HPSE2: variants seen among roughly 807,000 people sequenced by gnomAD.
HPSE2 encodes the protein heparanase 2 (inactive), also known as inactive heparanase-2.
HPSE2 carries 38 observed loss-of-function variants against 60.5 expected under a neutral mutation model. That is an observed-to-expected ratio of 0.63 (90% CI 0.48 to 0.82). The LOEUF is 0.82. HPSE2 is among the 40% of genes least tolerant of loss of function. HPSE2 has a pLI of 0.00. For missense variants in HPSE2, 713 were observed against 740.4 expected, an observed-to-expected ratio of 0.96 and a Z score of 0.43; for synonymous variants, 295 against 293.2, an observed-to-expected ratio of 1.01 and a Z score of -0.06.
At chr10:98,920,846 A>G (rs1289609314) in intron 3 of HPSE2, among the ~76,000 whole-genome samples, 1 of 152,236 alleles carries the variant, frequency 6.6e-6, no homozygotes, top group Non-Finnish European at 1.5e-5. Context: ...CAATTCAGGC[A>G]GACAACATAG....
At chr10:98,859,377 C>G (rs1032013414) in intron 3 of HPSE2, among the ~76,000 whole-genome samples, 6 of 152,122 alleles carry the variant, frequency 3.9e-5, no homozygotes, top group African/African-American at 1.4e-4. Context: ...GCTGATAAAA[C>G]ATTATTTCTT....
intron 9 of HPSE2, among the ~76,000 whole-genome samples, chr10:98,586,092 C>CA (rs1386426980): frequency 2.0e-5 from 3 of 151,462 alleles, no homozygotes; most frequent in Admixed American, 1.3e-4. Flanking sequence ...CAGTAGACAA[C>CA]AAAAAAGACA....
chr10:98,489,705 C>T (rs1460372542), intron 10 of HPSE2, among the ~76,000 whole-genome samples: 1 of 152,150 alleles, frequency 6.6e-6, no homozygotes, highest in Non-Finnish European at 1.5e-5. Flanking sequence ...TACCTCTTGA[C>T]TTGGCTAAAG....
At chr10:98,719,093 G>A (rs28494904) in intron 5 of HPSE2, among the ~76,000 whole-genome samples, 1 of 152,030 alleles carries the variant, frequency 6.6e-6, no homozygotes, top group Non-Finnish European at 1.5e-5. Context: ...ATCAACATAA[G>A]CCATTCAAAT....
At chr10:99,187,749 A>C (rs1364428152) in intron 2 of HPSE2, among the ~76,000 whole-genome samples, 1 of 152,270 alleles carries the variant, frequency 6.6e-6, no homozygotes, top group East Asian at 1.9e-4. Context: ...AGCTTTGATA[A>C]GGATGTGGAA....
chr10:98,654,911 C>T (rs1341587458), intron 6 of HPSE2, among the ~76,000 whole-genome samples: 1 of 152,094 alleles, frequency 6.6e-6, no homozygotes, highest in East Asian at 1.9e-4. Flanking sequence ...CCCCTAGTAT[C>T]CTTGTTTATG....
chr10:98,701,638 A>C (rs1387356812), intron 5 of HPSE2, among the ~76,000 whole-genome samples: 3 of 95,672 alleles, frequency 3.1e-5, no homozygotes, highest in Admixed American at 2.7e-4. Flanking sequence ...CTTAAAGTAT[A>C]ATAATAATAA....
At chr10:98,553,613 C>A (rs1489726068) in intron 9 of HPSE2, among the ~76,000 whole-genome samples, 2 of 152,194 alleles carry the variant, frequency 1.3e-5, no homozygotes, top group Non-Finnish European at 2.9e-5. Flanking sequence ...TACCATCCTT[C>A]TCTCCACCAT....
At chr10:98,508,830 G>A (rs1354881584) in intron 9 of HPSE2, among the ~76,000 whole-genome samples, 1 of 152,182 alleles carries the variant, frequency 6.6e-6, no homozygotes, top group Non-Finnish European at 1.5e-5. Flanking sequence ...CTGGAGCTCA[G>A]CAAGTTAAGG....
chr10:99,204,208 C>T (rs985391652), intron 2 of HPSE2, among the ~76,000 whole-genome samples: 2 of 152,104 alleles, frequency 1.3e-5, no homozygotes, highest in African/African-American at 4.8e-5. Flanking sequence ...AGGCTCGAGG[C>T]CCAATCCCAC....
chr10:99,071,771 T>C (rs1842798225), intron 3 of HPSE2, among the ~76,000 whole-genome samples: 1 of 152,220 alleles, frequency 6.6e-6, no homozygotes, highest in Admixed American at 6.5e-5. Flanking sequence ...TCCAATTTCA[T>C]TGTTTTGCAT....
At chr10:98,997,352 G>T (rs182015487) in intron 3 of HPSE2, among the ~76,000 whole-genome samples, 1 of 151,608 alleles carries the variant, frequency 6.6e-6, no homozygotes, top group African/African-American at 2.4e-5. Flanking sequence ...TCCTGACCTC[G>T]TGATCCACCC....
intron 3 of HPSE2, among the ~76,000 whole-genome samples, chr10:98,797,251 G>A (rs924927450): frequency 3.9e-5 from 6 of 152,060 alleles, no homozygotes; most frequent in African/African-American, 1.4e-4. Context: ...GTAACACAGA[G>A]AAAGAATTCA....
At position 98,459,711 on chromosome 10, in the gene HPSE2, C is replaced by T. The variant is rs2136414044; in HGVS notation, c.1642G>A (p.Val548Met). 1.9e-6 allele frequency: 3 copies of T among 1,613,962 alleles called. No individual in the cohort carries two copies. The highest frequency in any genetic ancestry group is 2.5e-6 in the Non-Finnish European group (3 of 1,179,984). Reference sequence around the variant, plus strand: ...GGGAGGGTCCCGTCGTCCACCATCACTAAGGGCTGGCCATTCAGTTGCACT... The same window carrying T: ...GGGAGGGTCCCGTCGTCCACCATCATTAAGGGCTGGCCATTCAGTTGCACT... ...KSVQLNGQPL[V>M]MVDDGTLPEL... is the part of the protein sequence containing the mutation. The change falls in exon 12 of 12, where the codon GTG (valine) becomes ATG (methionine). Residue 548 changes from valine (V) to methionine (M), a missense_variant. Coordinates refer to ENST00000370552, the MANE Select transcript of HPSE2 (RefSeq NM_021828.5).
chr10:98,696,184 G>C (rs896830033), intron 5 of HPSE2, among the ~76,000 whole-genome samples: 1 of 150,298 alleles, frequency 6.7e-6, no homozygotes, highest in Non-Finnish European at 1.5e-5. Context: ...ATGTTTACAT[G>C]GAATTTACTT....
intron 3 of HPSE2, among the ~76,000 whole-genome samples, chr10:98,949,857 TAAAGG>T (rs1477722240): frequency 6.6e-6 from 1 of 151,946 alleles, no homozygotes; most frequent in Non-Finnish European, 1.5e-5. Flanking sequence ...AAAAAGCAGC[TAAAGG>T]AAAGATATAT....
At chr10:99,060,518 C>T (rs1052516799) in intron 3 of HPSE2, among the ~76,000 whole-genome samples, 3 of 151,682 alleles carry the variant, frequency 2.0e-5, no homozygotes, top group East Asian at 3.9e-4. Flanking sequence ...ATTAGCCAGG[C>T]GTGGTGGTGC....
intron 3 of HPSE2, among the ~76,000 whole-genome samples, chr10:98,919,463 C>T (rs560927337): frequency 1.6e-4 from 25 of 152,100 alleles, no homozygotes; most frequent in African/African-American, 5.1e-4. Context: ...GCAAACTAAA[C>T]CGCGACAAGA....
At position 99,203,337 on chromosome 10, in the gene HPSE2, C is replaced by T. The variant is rs185283433; in HGVS notation, c.448+29011G>A. Among the ~76,000 whole-genome samples, 351 of 152,088 alleles carry T rather than the reference C, an allele frequency of 2.3e-3. 2 individuals carry two copies. The highest frequency in any genetic ancestry group is 3.9e-3 in the Non-Finnish European group (266 of 67,976). On this transcript the variant is annotated intron_variant, in intron 2 of 11. Transcript: ENST00000370552. Reference sequence around the variant, plus strand: ...CCAGCACCCTCAAACCCAGTCTGTACGCAGGCTCCTACAACTACAGGCTCC... The same window carrying T: ...CCAGCACCCTCAAACCCAGTCTGTATGCAGGCTCCTACAACTACAGGCTCC...
Sources: allele counts gnomAD v4.1 joint callset (sites outside exome capture counted in the v4.1 genomes callset), GRCh38; gene constraint gnomAD v4.1.1; transcripts MANE v1.5; gene names NCBI Gene and HGNC (gene_info 2026-07-23, HGNC 2026-07-21).